Variants in CLINT1 observed in about 807,000 individuals in gnomAD.
CLINT1 encodes the protein clathrin interactor 1, also known as clathrin interacting protein localized in the trans-Golgi region.
Under a neutral mutation model 70.4 loss-of-function variants are expected in CLINT1, and 15 were observed. That is an observed-to-expected ratio of 0.21 (90% CI 0.14 to 0.33). CLINT1 has a LOEUF of 0.33. Among genes scored for constraint, CLINT1 ranks in the 10% least tolerant of loss-of-function variants. The pLI is 1.00. For synonymous variants in CLINT1, 227 were observed against 254.7 expected, an observed-to-expected ratio of 0.89 and a Z score of 1.04; for missense variants, 615 against 778.1, an observed-to-expected ratio of 0.79 and a Z score of 2.49.
intron 1 of CLINT1, among the ~76,000 whole-genome samples, chr5:157,827,434 T>C (rs1763074199): frequency 6.6e-6 from 1 of 152,148 alleles, no homozygotes. Context: ...TCAAAAAATA[T>C]AGGGACTGAT....
chr5:157,835,221 G>C (rs1763377208), intron 1 of CLINT1, among the ~76,000 whole-genome samples: 1 of 152,134 alleles, frequency 6.6e-6, no homozygotes, highest in African/African-American at 2.4e-5. Flanking sequence ...CTAAACACAG[G>C]AAGATTGTGA....
intron 1 of CLINT1, among the ~76,000 whole-genome samples, chr5:157,854,743 C>T (rs552435717): frequency 6.6e-6 from 1 of 152,206 alleles, no homozygotes; most frequent in South Asian, 2.1e-4. Context: ...TAAAAATCAA[C>T]TTATGAGGGA....
chr5:157,840,992 T>G (rs1753155219), intron 1 of CLINT1, among the ~76,000 whole-genome samples: 2 of 152,168 alleles, frequency 1.3e-5, no homozygotes, highest in South Asian at 4.1e-4. Context: ...TCAGGTGCAG[T>G]GGTTCACACA....
chr5:157,787,631 T>C lies in CLINT1; in HGVS notation c.*15A>G, dbSNP rs1442237885. 3.1e-6 allele frequency: 5 copies of C among 1,607,796 alleles called. No homozygotes were observed. The highest frequency in any genetic ancestry group is 3.4e-6 in the Non-Finnish European group (4 of 1,175,190). On this transcript the variant is annotated 3_prime_UTR_variant, in exon 12 of 12. Coordinates refer to ENST00000411809, the MANE Select transcript of CLINT1 (RefSeq NM_014666.4). ...GCTAAAAATTCTTCATTCAATCTGCTTCTTTTACAATCTCTTATTTGCTAA... is the reference window on the plus strand; with the variant it reads ...GCTAAAAATTCTTCATTCAATCTGCCTCTTTTACAATCTCTTATTTGCTAA...
At chr5:157,857,818 A>G (rs939990310) in intron 1 of CLINT1, among the ~76,000 whole-genome samples, 2 of 152,236 alleles carry the variant, frequency 1.3e-5, no homozygotes, top group African/African-American at 4.8e-5. Context: ...TCTAAGTTCT[A>G]TCTGATGTAT....
In CLINT1 at chr5:157,788,344, CTATTT is replaced by C. The variant is rs561157116; in HGVS notation, c.1532-357_1532-353del. 2.8e-3 allele frequency among the ~76,000 whole-genome samples: 419 copies of C among 152,146 alleles called. 1 individual carries two copies. The highest frequency in any genetic ancestry group is 4.5e-3 in the Non-Finnish European group (304 of 68,002). On this transcript the variant is annotated intron_variant, in intron 11 of 11. Transcript: ENST00000411809. Reference sequence around the variant, plus strand: ...AAAGGTTTACATCCTTTGACTTATTCTATTTTTAGAACATTCTATTAAAAAAATCA... The same window carrying C: ...AAAGGTTTACATCCTTTGACTTATTCTTAGAACATTCTATTAAAAAAATCA...
intron 1 of CLINT1, among the ~76,000 whole-genome samples, chr5:157,846,140 C>T (rs1581542241): frequency 2.0e-5 from 3 of 152,300 alleles, no homozygotes; most frequent in East Asian, 1.9e-4. Flanking sequence ...GGAAGAGCTG[C>T]ACATCTCCTA....
At chr5:157,838,049 T>C (rs543193354) in intron 1 of CLINT1, among the ~76,000 whole-genome samples, 1 of 152,316 alleles carries the variant, frequency 6.6e-6, no homozygotes, top group Non-Finnish European at 1.5e-5. Flanking sequence ...TATATACATT[T>C]TTTCTTAATT....
rs1352329695 is a variant in CLINT1, at chr5:157,791,691, C to G, written c.1380+12G>C. The G allele has an allele frequency of 3.8e-6, 6 of 1,595,388 alleles. No individual in the cohort carries two copies. The East Asian group carries it at 1.3e-4, about 36-fold the overall frequency. On this transcript the variant is annotated intron_variant, in intron 10 of 11. Transcript: ENST00000411809. ...TATAAATAACAAATTCCAAGGGAAC[C>G]AGACAACTTACCTGTGATCTTGACA... is the stretch of plus-strand genomic sequence containing the variant.
chr5:157,808,103 C>G (rs763125715), intron 6 of CLINT1, among the ~76,000 whole-genome samples: 122 of 152,186 alleles, frequency 8.0e-4, no homozygotes, highest in Non-Finnish European at 1.5e-3. Context: ...ATTATAAATA[C>G]TAAACATTGG....
At chr5:157,850,221 GA>G (rs1292961965) in intron 1 of CLINT1, among the ~76,000 whole-genome samples, 1 of 152,172 alleles carries the variant, frequency 6.6e-6, no homozygotes, top group African/African-American at 2.4e-5. Flanking sequence ...CTGCTGAGTG[GA>G]CAGCAGATGA....
chr5:157,813,632 C>T (rs775891295), intron 4 of CLINT1, among the ~76,000 whole-genome samples: 1 of 152,162 alleles, frequency 6.6e-6, no homozygotes. Context: ...GAAAAGCACA[C>T]AAATGTCTTG....
In CLINT1 at chr5:157,831,622, T is replaced by A. The variant is rs563069068; in HGVS notation, c.42-14075A>T. Among the ~76,000 whole-genome samples, 7 of 152,076 alleles carry A rather than the reference T, an allele frequency of 4.6e-5. No homozygotes were observed. The East Asian group carries it at 1.4e-3, about 29-fold the overall frequency. ...AGGTAACATTGTTCATAGGGGCCAA[T>A]TAAATATGTATAGGATATAGGAGAT... On this transcript the variant is annotated intron_variant, in intron 1 of 11. Transcript: ENST00000411809.
chr5:157,814,489 GATAAATAATTATAAATC>G (rs1762653511), intron 3 of CLINT1, among the ~76,000 whole-genome samples, 196 bp from the exon 4 acceptor site: 1 of 152,136 alleles, frequency 6.6e-6, no homozygotes, highest in African/African-American at 2.4e-5. Flanking sequence ...TATTAAGCAT[GATAAATAATTATAAATC>G]ATCTACTGGA....
chr5:157,829,104 ACAACAACAACAG>A, intron 1 of CLINT1, among the ~76,000 whole-genome samples: 1 of 150,764 alleles, frequency 6.6e-6, no homozygotes, highest in South Asian at 2.1e-4. Context: ...TCTGCCTCAA[ACAACAACAACAG>A]CAACAACAAC....
At chr5:157,838,115 T>C (rs1024068025) in intron 1 of CLINT1, among the ~76,000 whole-genome samples, 4 of 137,340 alleles carry the variant, frequency 2.9e-5, no homozygotes, top group African/African-American at 1.1e-4. Flanking sequence ...TAAGTCAAGG[T>C]TTTTTTGTTT....
In CLINT1 at chr5:157,791,752, A is replaced by G. The variant is rs1761913679; in HGVS notation, c.1331T>C (p.Met444Thr). ...MTSSQSMNFS[M>T]MSTNTVGLGL... ...AAGTCCCACAGTGTTAGTGCTCATC[A>G]TAGAGAAATTCATACTCTGGGAAGA... The change falls in exon 10 of 12, where the codon ATG becomes ACG. Residue 444 changes from methionine (M) to threonine (T), a missense_variant. Physicochemically the swap from Met to Thr is moderately conservative, Grantham distance 81. Transcript: ENST00000411809. 2 of 1,613,918 alleles carry G rather than the reference A, an allele frequency of 1.2e-6. No homozygotes were observed. The highest frequency in any genetic ancestry group is 1.7e-5 in the Admixed American group (1 of 60,004).
intron 1 of CLINT1, among the ~76,000 whole-genome samples, chr5:157,841,964 A>T (rs1323059672): frequency 6.6e-6 from 1 of 152,184 alleles, no homozygotes; most frequent in Non-Finnish European, 1.5e-5. Context: ...CAATTTGAAG[A>T]ACATTTATTT....
intron 1 of CLINT1, among the ~76,000 whole-genome samples, chr5:157,841,458 C>T (rs1407146632): frequency 2.6e-5 from 4 of 151,778 alleles, no homozygotes; most frequent in Non-Finnish European, 5.9e-5. Flanking sequence ...CCCAGCCACT[C>T]GGGAGGCTGA....
Sources: allele counts gnomAD v4.1 joint callset (sites outside exome capture counted in the v4.1 genomes callset), GRCh38; gene constraint gnomAD v4.1.1; transcripts MANE v1.5; gene names NCBI Gene and HGNC (gene_info 2026-07-23, HGNC 2026-07-21).